Variants in MRC1 observed in about 807,000 individuals in gnomAD.
The protein encoded by MRC1 is mannose receptor C-type 1.
In MRC1, 62 loss-of-function variants were observed where a neutral mutation model predicts 102.9. The observed-to-expected ratio is 0.60, with a 90% CI of 0.49 to 0.74. MRC1 has a LOEUF of 0.74. Among genes scored for constraint, MRC1 ranks in the 30% least tolerant of loss-of-function variants. The probability of loss-of-function intolerance (pLI) is 0.00; values close to 1 mark genes in which losing one functional copy is unlikely to be tolerated. For synonymous variants in MRC1, 457 were observed against 298.4 expected, an observed-to-expected ratio of 1.53 and a Z score of -5.48; for missense variants, 1,237 against 862.8, an observed-to-expected ratio of 1.43 and a Z score of -5.43.
At chr10:17,874,773 C>G (rs1833404482) in intron 16 of MRC1, among the ~76,000 whole-genome samples, 1 of 151,842 alleles carries the variant, frequency 6.6e-6, no homozygotes, top group East Asian at 1.9e-4. Context: ...ATTATGGGTG[C>G]ATTATACATA....
chr10:17,812,707 G>A (rs1458500314), intron 1 of MRC1, among the ~76,000 whole-genome samples: 2 of 151,616 alleles, frequency 1.3e-5, no homozygotes, highest in African/African-American at 2.4e-5. Context: ...GAGTAGCTGG[G>A]ATTACAGGCA....
rs1417000330 is a variant in MRC1 at position 17,833,810 on chromosome 10, CAG to C, written c.777_778del (p.Glu259AspfsTer3). ...CAGAACGCTGAGCTCCTGAGCATCACAGAGATTCATGAGCAAACATACCTGAC... is the reference window on the plus strand; with the variant it reads ...CAGAACGCTGAGCTCCTGAGCATCACAGATTCATGAGCAAACATACCTGAC... On this transcript the variant is annotated frameshift_variant, in exon 4 of 30. Transcript: ENST00000569591. LOFTEE classifies it high-confidence loss of function. 1.3e-6 allele frequency: 1 copy of C among 780,974 alleles called. No individual in the cohort carries two copies. The highest frequency in any genetic ancestry group is 1.7e-5 in the African/African-American group (1 of 59,146). The allele number at this position is 780,974 out of a possible 1,614,324, so 48.4% of individuals were successfully genotyped here. A position where few individuals can be genotyped will look rare whatever the true frequency, so the allele number is the denominator to read the frequency against.
At chr10:17,902,962 A>AT (rs1183896203) in intron 26 of MRC1, among the ~76,000 whole-genome samples, 13 of 151,964 alleles carry the variant, frequency 8.6e-5, no homozygotes, top group Admixed American at 5.2e-4. Flanking sequence ...TGTATTAAAA[A>AT]TTTTTTTCCT....
At chr10:17,840,847 A>G (rs1554839837) in intron 5 of MRC1, 41 bp downstream of exon 5, 6 of 780,760 alleles carry the variant, frequency 7.7e-6, no homozygotes. Context: ...TCCAAATTTA[A>G]GTCATCTAGA....
At chr10:17,839,039 C>T (rs1013167091) in intron 4 of MRC1, among the ~76,000 whole-genome samples, 3 of 152,074 alleles carry the variant, frequency 2.0e-5, no homozygotes, top group Admixed American at 1.3e-4. Flanking sequence ...CTTTGCCAAC[C>T]TTAATATGAA....
chr10:17,868,512 A>G (rs1833310238), intron 12 of MRC1, among the ~76,000 whole-genome samples: 1 of 152,200 alleles, frequency 6.6e-6, no homozygotes, highest in South Asian at 2.1e-4. Flanking sequence ...TCCCTCCTTC[A>G]ACATGTGGGG....
chr10:17,863,846 T>C (rs903416672), intron 11 of MRC1, among the ~76,000 whole-genome samples, 164 bp downstream of exon 11: 4 of 152,242 alleles, frequency 2.6e-5, no homozygotes, highest in African/African-American at 9.6e-5. Context: ...TCTTCCTTTT[T>C]TTCTTTTCTA....
chr10:17,835,825 A>T (rs1374243408), intron 4 of MRC1, among the ~76,000 whole-genome samples: 1 of 152,202 alleles, frequency 6.6e-6, no homozygotes. Context: ...CTGGGCTGAG[A>T]TCCCGAAGAC....
At chr10:17,863,810 T>C in intron 11 of MRC1, 128 bp downstream of exon 11, 1 of 666,412 alleles carries the variant, frequency 1.5e-6, no homozygotes, top group Non-Finnish European at 2.7e-6. Flanking sequence ...ACAATTTATA[T>C]TTCATTCTCT....
At chr10:17,904,758 G>C (rs1422050107) in intron 26 of MRC1, among the ~76,000 whole-genome samples, 2 of 152,180 alleles carry the variant, frequency 1.3e-5, no homozygotes, top group African/African-American at 4.8e-5. Flanking sequence ...CAAGAACTTA[G>C]GACCTTCTCA....
chr10:17,845,122 G>A (rs111329103), intron 5 of MRC1, 167 bp from the exon 6 acceptor site: 8 of 778,312 alleles, frequency 1.0e-5, no homozygotes, highest in Admixed American at 3.4e-5. Context: ...GACACCCATC[G>A]TGTCTTTTGC....
chr10:17,879,632 G>GGATTACAGGC (rs1165615015), intron 18 of MRC1, 89 bp from the exon 19 acceptor site: 1 of 780,324 alleles, frequency 1.3e-6, no homozygotes, highest in Non-Finnish European at 2.4e-6. Flanking sequence ...CATGGTGCTG[G>GGATTACAGGC]GATTACAGGC....
chr10:17,904,105 A>C (rs1361010905), intron 26 of MRC1, among the ~76,000 whole-genome samples: 3 of 152,182 alleles, frequency 2.0e-5, no homozygotes, highest in African/African-American at 4.8e-5. Flanking sequence ...TTGCATACCC[A>C]TAAGCACTGA....
At chr10:17,848,048 T>G (rs1838852994) in intron 6 of MRC1, among the ~76,000 whole-genome samples, 2 of 152,116 alleles carry the variant, frequency 1.3e-5, no homozygotes, top group Admixed American at 1.3e-4. Context: ...ACTGAGTAGT[T>G]ACTTGTATGA....
intron 23 of MRC1, among the ~76,000 whole-genome samples, chr10:17,894,940 A>T (rs1833734893): frequency 1.3e-5 from 2 of 152,118 alleles, no homozygotes; most frequent in South Asian, 4.1e-4. Context: ...TTGAAGACTG[A>T]GGTGGGTGGA....
chr10:17,910,259 G>C lies in MRC1; in HGVS notation c.4165G>C (p.Ala1389Pro). 1 of 780,862 alleles carries C rather than the reference G, an allele frequency of 1.3e-6. No homozygotes were observed. Among genetic ancestry groups the C allele is most frequent in the South Asian group, 1.3e-5 (1 of 74,612 alleles). 48.4% of individuals were successfully genotyped at this position (780,862 alleles called of 1,614,324 possible). The change falls in exon 30 of 30, where the codon GCC becomes CCC. Residue 1389 changes from alanine (A) to proline (P), a missense_variant. Coordinates refer to ENST00000569591, the MANE Select transcript of MRC1 (RefSeq NM_002438.4). ...CCCTTCTAAACCGTCTTCCAACGTG[G>C]CCGGAGTAGTCATCATTGTGATCCT... ...MDPSKPSSNVAGVVIIVILLI... is the reference protein window; with the variant it reads ...MDPSKPSSNVPGVVIIVILLI...
intron 3 of MRC1, among the ~76,000 whole-genome samples, chr10:17,832,386 C>G (rs1276001948): frequency 6.6e-6 from 1 of 150,468 alleles, no homozygotes; most frequent in African/African-American, 2.5e-5. Context: ...GAAACCCCGT[C>G]TCTACTAAAA....
intron 9 of MRC1, among the ~76,000 whole-genome samples, chr10:17,860,352 T>C (rs1833166490): frequency 6.6e-6 from 1 of 151,636 alleles, no homozygotes; most frequent in South Asian, 2.1e-4. Context: ...CATGGCTCAC[T>C]GTAGCCTCCA....
At chr10:17,884,779 G>A (rs1291246564) in intron 21 of MRC1, among the ~76,000 whole-genome samples, 1 of 151,982 alleles carries the variant, frequency 6.6e-6, no homozygotes, top group East Asian at 1.9e-4. Context: ...TGGGGACACA[G>A]AGCCAAACCA....
Sources: allele counts gnomAD v4.1 joint callset (sites outside exome capture counted in the v4.1 genomes callset), GRCh38; gene constraint gnomAD v4.1.1; transcripts MANE v1.5; gene names NCBI Gene and HGNC (gene_info 2026-07-23, HGNC 2026-07-21).